The following ZMYND8 variants were observed in gnomAD, a reference collection of about 807,000 sequenced individuals.
ZMYND8 encodes the protein MYND-type zinc finger-containing chromatin reader ZMYND8.
In ZMYND8, 37 loss-of-function variants were observed where a neutral mutation model predicts 140.8. The observed-to-expected ratio is 0.26, with a 90% CI of 0.20 to 0.35. The LOEUF (loss-of-function observed/expected upper bound fraction) is 0.35, where lower values mean the gene tolerates loss of function less well. Ranked by LOEUF, ZMYND8 falls within the 10% of genes least tolerant of loss-of-function variation. The pLI is 1.00. For missense variants in ZMYND8, 1,068 were observed against 1,570.0 expected, an observed-to-expected ratio of 0.68 and a Z score of 5.40; for synonymous variants, 592 against 597.1, an observed-to-expected ratio of 0.99 and a Z score of 0.12.
At chr20:47,268,345 G>A (rs1230540214) in intron 11 of ZMYND8, among the ~76,000 whole-genome samples, 3 of 142,870 alleles carry the variant, frequency 2.1e-5, no homozygotes, top group African/African-American at 7.9e-5. Context: ...CCAGGCTGGA[G>A]TGCAGTGGCA....
chr20:47,294,242 C>T (rs1292328615), intron 5 of ZMYND8, among the ~76,000 whole-genome samples: 6 of 151,918 alleles, frequency 3.9e-5, no homozygotes, highest in Non-Finnish European at 1.5e-5. Context: ...ATCCCAGCTA[C>T]TGGGGAGGCA....
intron 21 of ZMYND8, among the ~76,000 whole-genome samples, chr20:47,214,314 G>T (rs1038695614): frequency 6.6e-6 from 1 of 152,116 alleles, no homozygotes; most frequent in African/African-American, 2.4e-5. Flanking sequence ...GAAGACTGAC[G>T]GCTGCATTCC....
At chr20:47,316,257 G>T (rs956872681) in intron 2 of ZMYND8, among the ~76,000 whole-genome samples, 4 of 151,666 alleles carry the variant, frequency 2.6e-5, no homozygotes, top group African/African-American at 9.7e-5. Flanking sequence ...CTTGAACCCA[G>T]GAGGCGGAGG....
chr20:47,227,355 C>T lies in ZMYND8; in HGVS notation c.2938-74G>A, dbSNP rs913647774. ...CCAGGAGGGCTCAGAAGCTCAACCA[C>T]GGCTGGCTGTGAGGGGTATGGGAAT... On this transcript the variant is annotated intron_variant, in intron 17 of 22. Coordinates refer to ENST00000471951, the MANE Select transcript of ZMYND8 (RefSeq NM_001281775.3). 3.6e-5 allele frequency: 52 copies of T among 1,428,118 alleles called. 1 individual carries two copies. In the African/African-American group the frequency reaches 5.5e-4, roughly 15 times the overall value. The allele number at this position is 1,428,118 out of a possible 1,614,324, so 88.5% of individuals were successfully genotyped here. A position where few individuals can be genotyped will look rare whatever the true frequency, so the allele number is the denominator to read the frequency against.
chr20:47,218,854 A>G (rs924446758), intron 21 of ZMYND8, among the ~76,000 whole-genome samples: 2 of 152,080 alleles, frequency 1.3e-5, no homozygotes, highest in Non-Finnish European at 2.9e-5. Context: ...AACCGTTCCC[A>G]GCCCCTAACA....
intron 16 of ZMYND8, 142 bp from the exon 17 acceptor site, chr20:47,229,948 G>A: frequency 1.5e-6 from 1 of 668,508 alleles, no homozygotes; most frequent in Non-Finnish European, 2.5e-6. Flanking sequence ...GGGCATTTCT[G>A]GTTGCCATGA....
At chr20:47,331,091 C>A (rs1035303687) in intron 2 of ZMYND8, among the ~76,000 whole-genome samples, 1 of 152,062 alleles carries the variant, frequency 6.6e-6, no homozygotes, top group Non-Finnish European at 1.5e-5. Flanking sequence ...GAGAACGGAA[C>A]ACGGAGAGAA....
At chr20:47,238,314 G>T (rs1424461279) in intron 15 of ZMYND8, 4 of 173,624 alleles carry the variant, frequency 2.3e-5, no homozygotes, top group Non-Finnish European at 4.9e-5. Flanking sequence ...AGAAAAAAAG[G>T]GGGGAAAAAG....
chr20:47,325,263 G>T (rs1482684825), intron 2 of ZMYND8, among the ~76,000 whole-genome samples: 8 of 152,104 alleles, frequency 5.3e-5, no homozygotes, highest in Admixed American at 5.2e-4. Flanking sequence ...GGTTTATTGT[G>T]TCTCTCCCTC....
At chr20:47,309,814 AATTAT>A (rs930946400) in intron 3 of ZMYND8, among the ~76,000 whole-genome samples, 5 of 151,628 alleles carry the variant, frequency 3.3e-5, no homozygotes, top group African/African-American at 1.2e-4. Context: ...AACCCTAAAG[AATTAT>A]ATACCCTCAT....
intron 7 of ZMYND8, among the ~76,000 whole-genome samples, chr20:47,289,093 C>T (rs2077099091): frequency 6.6e-6 from 1 of 152,132 alleles, no homozygotes; most frequent in Non-Finnish European, 1.5e-5. Context: ...TTCAGTGAGA[C>T]TCTGTCTCTA....
At chr20:47,330,210 C>T (rs554428352) in intron 2 of ZMYND8, among the ~76,000 whole-genome samples, 2 of 152,138 alleles carry the variant, frequency 1.3e-5, no homozygotes, top group South Asian at 4.1e-4. Flanking sequence ...GCAGTCTGTC[C>T]AGGAAAGACA....
intron 2 of ZMYND8, among the ~76,000 whole-genome samples, chr20:47,339,825 T>C (rs1265588274): frequency 2.0e-5 from 3 of 152,186 alleles, no homozygotes; most frequent in Non-Finnish European, 2.9e-5. Flanking sequence ...AAAGTTCATC[T>C]TAGCCATAAC....
chr20:47,337,246 G>A (rs912824954), intron 2 of ZMYND8, among the ~76,000 whole-genome samples: 7 of 152,106 alleles, frequency 4.6e-5, no homozygotes, highest in East Asian at 1.9e-4. Flanking sequence ...CAGCTACACC[G>A]GAGGCTGAGA....
At chr20:47,228,360 C>A (rs2037998119) in intron 17 of ZMYND8, among the ~76,000 whole-genome samples, 1 of 152,114 alleles carries the variant, frequency 6.6e-6, no homozygotes, top group South Asian at 2.1e-4. Context: ...GTAGTGTGAA[C>A]AATCACATTT....
chr20:47,249,497 C>T, intron 12 of ZMYND8, 58 bp from the exon 13 acceptor site: 1 of 1,574,016 alleles, frequency 6.4e-7, no homozygotes. Context: ...CATCACGGAG[C>T]TTCGTCCTTG....
chr20:47,212,532 C>G, intron 22 of ZMYND8, 110 bp downstream of exon 22: 1 of 1,254,056 alleles, frequency 8.0e-7, no homozygotes, highest in Non-Finnish European at 1.2e-6. Context: ...CTCAAAAGAA[C>G]AGGAGAAGAC....
intron 5 of ZMYND8, among the ~76,000 whole-genome samples, chr20:47,293,573 T>C (rs979142747): frequency 6.6e-6 from 1 of 152,210 alleles, no homozygotes; most frequent in African/African-American, 2.4e-5. Flanking sequence ...GAGTTTTCCT[T>C]GAAGGTTCCA....
At chr20:47,217,888 C>G (rs1041658597) in intron 21 of ZMYND8, among the ~76,000 whole-genome samples, 5 of 151,942 alleles carry the variant, frequency 3.3e-5, no homozygotes, top group South Asian at 2.1e-4. Flanking sequence ...CTCTTCCCCC[C>G]ACCATTTACT....
Sources: gnomAD v4.1 joint callset for allele counts (sites outside exome capture counted in the v4.1 genomes callset) on GRCh38, gnomAD v4.1.1 for gene constraint, MANE v1.5 for transcripts, NCBI Gene and HGNC (gene_info 2026-07-23, HGNC 2026-07-21) for gene names.